Variants in PDE3A observed in about 807,000 individuals in gnomAD.
The protein encoded by PDE3A is cGMP-inhibited 3',5'-cyclic phosphodiesterase 3A.
PDE3A carries 43 observed loss-of-function variants against 98.3 expected under a neutral mutation model. The ratio of observed to expected loss-of-function variants is 0.44; its 90% CI spans 0.34 to 0.56. The LOEUF (loss-of-function observed/expected upper bound fraction) is 0.56, where lower values mean the gene tolerates loss of function less well. Among genes scored for constraint, PDE3A ranks in the 20% least tolerant of loss-of-function variants. The pLI, the probability that PDE3A is intolerant of heterozygous loss-of-function variation, is 0.01. For missense variants in PDE3A, 1,427 were observed against 1,440.7 expected (o/e 0.99, Z 0.15); for synonymous variants, 663 against 567.9 (o/e 1.17, Z -2.38).
chr12:20,442,757 G>C (rs891349520), intron 1 of PDE3A, among the ~76,000 whole-genome samples: 3 of 152,174 alleles, frequency 2.0e-5, no homozygotes, highest in African/African-American at 7.2e-5. Flanking sequence ...AGGTGAGATT[G>C]TATCTTTTAA....
intron 1 of PDE3A, among the ~76,000 whole-genome samples, chr12:20,410,682 A>T (rs1185889549): frequency 6.6e-6 from 1 of 152,188 alleles, no homozygotes; most frequent in African/African-American, 2.4e-5. Context: ...TTTACTTGTC[A>T]ATTATGTCTC....
chr12:20,405,205 G>A (rs1241701100), intron 1 of PDE3A, among the ~76,000 whole-genome samples: 1 of 152,084 alleles, frequency 6.6e-6, no homozygotes, highest in Non-Finnish European at 1.5e-5. Flanking sequence ...TCTTTGCTGT[G>A]TGGATTTTGT....
chr12:20,390,283 A>G (rs1943888753), intron 1 of PDE3A, among the ~76,000 whole-genome samples: 1 of 151,874 alleles, frequency 6.6e-6, no homozygotes, highest in African/African-American at 2.4e-5. Context: ...ACCAAACATT[A>G]TATTTTTTAA....
At chr12:20,486,914 A>T (rs1004704954) in intron 1 of PDE3A, among the ~76,000 whole-genome samples, 1 of 152,222 alleles carries the variant, frequency 6.6e-6, no homozygotes, top group South Asian at 2.1e-4. Context: ...GATTACAGGC[A>T]TGAGTCACCA....
intron 10 of PDE3A, among the ~76,000 whole-genome samples, chr12:20,645,786 C>T (rs1274515055): frequency 6.6e-6 from 1 of 152,052 alleles, no homozygotes; most frequent in Non-Finnish European, 1.5e-5. Context: ...ATGGCATCAT[C>T]AACCAGATGA....
In PDE3A at chr12:20,688,097, A is replaced by T. The variant is rs1946027956; in HGVS notation, c.*7826A>T. Among the ~76,000 whole-genome samples the T allele has an allele frequency of 6.6e-6, 1 of 152,134 alleles. No homozygotes were observed. Among genetic ancestry groups the T allele is most frequent in the East Asian group, 1.9e-4 (1 of 5,172 alleles). On this transcript the variant is annotated 3_prime_UTR_variant, in exon 16 of 16. Transcript: ENST00000359062. ...GACACTATAGGGATGTCATTTGTAC[A>T]TGACAATTTTTAACAATGTAATTCT... is the stretch of plus-strand genomic sequence containing the variant.
At chr12:20,624,038 A>C (rs1290200779) in intron 5 of PDE3A, among the ~76,000 whole-genome samples, 2 of 152,130 alleles carry the variant, frequency 1.3e-5, no homozygotes, top group African/African-American at 2.4e-5. Flanking sequence ...ATATAAATTT[A>C]AGTGTTCTAA....
intron 1 of PDE3A, among the ~76,000 whole-genome samples, chr12:20,502,350 A>G (rs1202414706): frequency 6.6e-6 from 1 of 152,194 alleles, no homozygotes; most frequent in African/African-American, 2.4e-5. Flanking sequence ...GATGGCTAGT[A>G]TGGTTAGACT....
chr12:20,666,699 T>C (rs61149781), intron 15 of PDE3A, among the ~76,000 whole-genome samples: 3,268 of 152,322 alleles, frequency 0.021, 100 homozygotes, highest in African/African-American at 0.073. Flanking sequence ...CTTAGGTTGA[T>C]TCCATATCTT....
chr12:20,676,560 C>A (rs558448222), intron 15 of PDE3A, among the ~76,000 whole-genome samples: 5 of 139,304 alleles, frequency 3.6e-5, no homozygotes, highest in Non-Finnish European at 7.5e-5. Flanking sequence ...AGTGCAGTGG[C>A]GTGATCTCAG....
intron 15 of PDE3A, among the ~76,000 whole-genome samples, chr12:20,677,117 G>C (rs1945660351): frequency 6.6e-6 from 1 of 152,104 alleles, no homozygotes; most frequent in African/African-American, 2.4e-5. Flanking sequence ...ACTTGATATA[G>C]TCTATTGTTA....
rs1000278713 is a variant in PDE3A, at chr12:20,391,044, G to A, written c.960+20800G>A. ...TGTGTAACCCTCTAACGATCCCCAG[G>A]GCAATATACTGTTGTAACCTTTGAT... On this transcript the variant is annotated intron_variant, in intron 1 of 15. Transcript: ENST00000359062. Among the ~76,000 whole-genome samples the A allele has an allele frequency of 3.3e-5, 5 of 151,732 alleles. No individual in the cohort carries two copies. In the Admixed American group the frequency reaches 3.3e-4, roughly 10 times the overall value.
At chr12:20,614,721 C>T (rs76211265) in intron 3 of PDE3A, among the ~76,000 whole-genome samples, 211 of 152,266 alleles carry the variant, frequency 1.4e-3, no homozygotes, top group African/African-American at 4.9e-3. Context: ...TCTCTTCCAA[C>T]TGAATTACCT....
chr12:20,432,875 G>C (rs978213800), intron 1 of PDE3A, among the ~76,000 whole-genome samples: 3 of 151,044 alleles, frequency 2.0e-5, no homozygotes, highest in African/African-American at 7.3e-5. Context: ...TTTTTTTTGT[G>C]CTGGAGTAGA....
chr12:20,586,856 C>T (rs1050253706), intron 2 of PDE3A, among the ~76,000 whole-genome samples: 1 of 152,116 alleles, frequency 6.6e-6, no homozygotes, highest in Admixed American at 6.6e-5. Flanking sequence ...ATCTTTTGCA[C>T]TGATAGTGGA....
At chr12:20,437,053 TTG>T (rs57301891) in intron 1 of PDE3A, among the ~76,000 whole-genome samples, 45,797 of 149,810 alleles carry the variant, frequency 0.31, 7,165 homozygotes, top group African/African-American at 0.39. Context: ...AAATTTAAGA[TTG>T]TGTGTGTGTG....
intron 1 of PDE3A, among the ~76,000 whole-genome samples, chr12:20,483,155 C>A (rs1945662478): frequency 6.6e-6 from 1 of 152,018 alleles, no homozygotes; most frequent in South Asian, 2.1e-4. Flanking sequence ...CTTTGGGAGG[C>A]CGAGGTGGGC....
intron 15 of PDE3A, among the ~76,000 whole-genome samples, chr12:20,673,403 A>G (rs1258364130): frequency 2.7e-5 from 4 of 145,516 alleles, no homozygotes; most frequent in African/African-American, 1.0e-4. Flanking sequence ...ATGCACACGT[A>G]TGTTTATTGC....
In PDE3A at chr12:20,478,612, G is replaced by A. The variant is rs751048188; in HGVS notation, c.961-78048G>A. Among the ~76,000 whole-genome samples the A allele has an allele frequency of 2.2e-4, 34 of 152,216 alleles. No homozygotes were observed. In the East Asian group the frequency reaches 4.0e-3, roughly 18 times the overall value. ...ACAAGATTAAAAACTGCCTGTAAAC[G>A]TAATGGTGTAAATGTTTACTGTAAA... On this transcript the variant is annotated intron_variant, in intron 1 of 15. Coordinates refer to ENST00000359062, the MANE Select transcript of PDE3A (RefSeq NM_000921.5).
Sources: allele counts gnomAD v4.1 joint callset (sites outside exome capture counted in the v4.1 genomes callset), GRCh38; gene constraint gnomAD v4.1.1; transcripts MANE v1.5; gene names NCBI Gene and HGNC (gene_info 2026-07-23, HGNC 2026-07-21).